The following MTX2 variants were observed in gnomAD, a reference collection of about 807,000 sequenced individuals.
MTX2 encodes the protein metaxin-2.
MTX2 carries 35 observed loss-of-function variants against 42.3 expected under a neutral mutation model. The observed-to-expected ratio is 0.83, with a 90% CI of 0.63 to 1.10. The LOEUF is 1.10. MTX2 is among the 50% of genes least tolerant of loss of function. The pLI is 0.00. For synonymous variants in MTX2, 119 were observed against 100.9 expected (o/e 1.18, Z -1.08); for missense variants, 307 against 304.1 (o/e 1.01, Z -0.07).
chr2:176,310,850 C>G (rs957024294), intron 3 of MTX2, among the ~76,000 whole-genome samples: 2 of 152,138 alleles, frequency 1.3e-5, no homozygotes, highest in East Asian at 1.9e-4. Context: ...GAACATCCTC[C>G]TTTATCTTGC....
chr2:176,329,359 A>G lies in MTX2; in HGVS notation c.476A>G (p.Tyr159Cys), dbSNP rs201522166. The G allele has an allele frequency of 6.8e-6, 11 of 1,608,188 alleles. No individual in the cohort carries two copies. The highest frequency in any genetic ancestry group is 4.5e-5 in the East Asian group (2 of 44,650). The change falls in exon 8 of 10, where the codon TAT (tyrosine) becomes TGT (cysteine). Residue 159 changes from tyrosine to cysteine, a missense_variant. Physicochemically the swap from Tyr to Cys is radical, Grantham distance 194. Transcript: ENST00000249442. ...YPWPLNHILAYQKQWEVKRKM... is the reference protein window; with the variant it reads ...YPWPLNHILACQKQWEVKRKM... Reference sequence around the variant, plus strand: ...TGGCCTCTGAATCATATTTTGGCCTATCAAAAACAGTGGGAAGTCAAACGT... The same window carrying G: ...TGGCCTCTGAATCATATTTTGGCCTGTCAAAAACAGTGGGAAGTCAAACGT...
chr2:176,273,405 T>A (rs1480519708), intron 1 of MTX2, among the ~76,000 whole-genome samples: 1 of 152,218 alleles, frequency 6.6e-6, no homozygotes, highest in East Asian at 1.9e-4. Flanking sequence ...GTTGGAGTTA[T>A]GTATCTATAT....
At chr2:176,290,055 G>GTCT (rs1693293686) in intron 1 of MTX2, among the ~76,000 whole-genome samples, 1 of 152,124 alleles carries the variant, frequency 6.6e-6, no homozygotes, top group African/African-American at 2.4e-5. Flanking sequence ...GCTATGGACA[G>GTCT]TATAGATAAA....
chr2:176,337,662 T>C lies in MTX2; in HGVS notation c.790T>C (p.Ter264GlnextTer17), dbSNP rs1205953869. ...FEDRGKGRLS[*>Q] ...AGATCGTGGTAAAGGCAGGCTGTCA[T>C]AGAGTTATGTGTTAGTCTCAGGAGT... Residue 264 changes from the stop codon to glutamine, a stop_lost, in exon 10 of 10, where the codon TAG becomes CAG. Coordinates refer to ENST00000249442, the MANE Select transcript of MTX2 (RefSeq NM_006554.5). The C allele has an allele frequency of 2.5e-6, 4 of 1,606,164 alleles. No homozygotes were observed. Among genetic ancestry groups the C allele is most frequent in the Non-Finnish European group, 3.4e-6 (4 of 1,175,840 alleles).
intron 1 of MTX2, among the ~76,000 whole-genome samples, chr2:176,285,780 C>G (rs1693185354): frequency 6.6e-6 from 1 of 152,136 alleles, no homozygotes; most frequent in Non-Finnish European, 1.5e-5. Flanking sequence ...TCTGTCCATT[C>G]ACCAGTTAAT....
chr2:176,310,316 C>G (rs1383587141), intron 3 of MTX2, among the ~76,000 whole-genome samples: 3 of 152,158 alleles, frequency 2.0e-5, no homozygotes, highest in Non-Finnish European at 4.4e-5. Flanking sequence ...CTCGACCTTT[C>G]TCTCTGGCTG....
At chr2:176,335,045 C>CAAA (rs35418677) in intron 9 of MTX2, among the ~76,000 whole-genome samples, 1 of 148,952 alleles carries the variant, frequency 6.7e-6, no homozygotes. Context: ...GCACAATAAG[C>CAAA]AAAAAAAAAA....
intron 1 of MTX2, among the ~76,000 whole-genome samples, chr2:176,277,281 T>C (rs1399190908): frequency 6.6e-6 from 1 of 152,214 alleles, no homozygotes. Flanking sequence ...GCTTTTGTAA[T>C]ATAGAAGTGA....
intron 3 of MTX2, among the ~76,000 whole-genome samples, chr2:176,320,876 T>C (rs760110416): frequency 6.6e-6 from 1 of 151,966 alleles, no homozygotes; most frequent in African/African-American, 2.4e-5. Flanking sequence ...TTAAACTCTT[T>C]TGTAGGAATG....
intron 1 of MTX2, among the ~76,000 whole-genome samples, chr2:176,288,195 A>G (rs984623861): frequency 6.6e-6 from 1 of 152,072 alleles, no homozygotes; most frequent in African/African-American, 2.4e-5. Context: ...TTGCTTTCGA[A>G]TTTAATATAT....
At chr2:176,301,298 C>T (rs956270658) in intron 3 of MTX2, among the ~76,000 whole-genome samples, 3 of 152,090 alleles carry the variant, frequency 2.0e-5, no homozygotes, top group African/African-American at 4.8e-5. Context: ...AACTGAAGCT[C>T]AAAGATGCTT....
chr2:176,270,412 G>A, intron 1 of MTX2: 1 of 1,362,296 alleles, frequency 7.3e-7, no homozygotes, highest in Non-Finnish European at 9.8e-7. Flanking sequence ...CATGACTGAT[G>A]TATATAGGTT....
At chr2:176,281,973 A>C (rs1693087087) in intron 1 of MTX2, among the ~76,000 whole-genome samples, 2 of 152,176 alleles carry the variant, frequency 1.3e-5, no homozygotes, top group Admixed American at 1.3e-4. Context: ...AATACTCTGT[A>C]GATCATTTGT....
At chr2:176,325,093 C>G (rs992388917) in intron 4 of MTX2, among the ~76,000 whole-genome samples, 3 of 151,706 alleles carry the variant, frequency 2.0e-5, no homozygotes, top group Non-Finnish European at 4.4e-5. Flanking sequence ...TTTCACTTCT[C>G]TGAGCCTCAG....
At chr2:176,309,779 A>G (rs1204252915) in intron 3 of MTX2, among the ~76,000 whole-genome samples, 4 of 49,040 alleles carry the variant, frequency 8.2e-5, no homozygotes, top group East Asian at 4.9e-4. Flanking sequence ...CCATCCCTTT[A>G]TTTTGAGCCT....
At chr2:176,274,628 A>G (rs1323502488) in intron 1 of MTX2, among the ~76,000 whole-genome samples, 1 of 152,158 alleles carries the variant, frequency 6.6e-6, no homozygotes, top group Non-Finnish European at 1.5e-5. Context: ...CTGGCAAAGT[A>G]AGTGCAAAGC....
chr2:176,273,138 A>G (rs1037640860), intron 1 of MTX2, among the ~76,000 whole-genome samples: 1 of 152,186 alleles, frequency 6.6e-6, no homozygotes, highest in Non-Finnish European at 1.5e-5. Flanking sequence ...TTTTACAACA[A>G]CCTACTCTTG....
chr2:176,276,982 G>A (rs1224734658), intron 1 of MTX2, among the ~76,000 whole-genome samples: 1 of 149,070 alleles, frequency 6.7e-6, no homozygotes. Flanking sequence ...TTATCTCGTT[G>A]TGGGCATTTG....
At chr2:176,278,528 A>G (rs1286109873) in intron 1 of MTX2, among the ~76,000 whole-genome samples, 1 of 152,184 alleles carries the variant, frequency 6.6e-6, no homozygotes, top group Non-Finnish European at 1.5e-5. Flanking sequence ...TTTAGTTTTT[A>G]ACTTAAAAGA....
Sources: allele counts gnomAD v4.1 joint callset (sites outside exome capture counted in the v4.1 genomes callset), GRCh38; gene constraint gnomAD v4.1.1; transcripts MANE v1.5; gene names NCBI Gene and HGNC (gene_info 2026-07-23, HGNC 2026-07-21).